The following CC2D2A variants were observed in gnomAD, a reference collection of about 807,000 sequenced individuals.
The protein encoded by CC2D2A is coiled-coil and C2 domain-containing protein 2A.
CC2D2A carries 155 observed loss-of-function variants against 212.9 expected under a neutral mutation model. That is an observed-to-expected ratio of 0.73 (90% CI 0.64 to 0.83). CC2D2A has a LOEUF of 0.83. CC2D2A is among the 40% of genes least tolerant of loss of function. The pLI is 0.00. For missense variants in CC2D2A, 1,856 were observed against 1,956.2 expected, an observed-to-expected ratio of 0.95 and a Z score of 0.97; for synonymous variants, 667 against 686.5, an observed-to-expected ratio of 0.97 and a Z score of 0.44.
At chr4:15,542,402 A>G (rs1399628127) in intron 17 of CC2D2A, among the ~76,000 whole-genome samples, 2 of 152,128 alleles carry the variant, frequency 1.3e-5, no homozygotes, top group Admixed American at 6.5e-5. Context: ...GGCAGAAATC[A>G]CAGATCCTCA....
At chr4:15,587,780 G>C (rs371435727) in intron 31 of CC2D2A, 36 bp from the exon 32 acceptor site, 116 of 1,096,546 alleles carry the variant, frequency 1.1e-4, no homozygotes, top group Middle Eastern at 2.0e-4. Context: ...ATAAAGCATT[G>C]AGTCATACAA....
chr4:15,562,928 G>T (rs1317114488), intron 23 of CC2D2A, among the ~76,000 whole-genome samples: 1 of 152,242 alleles, frequency 6.6e-6, no homozygotes, highest in South Asian at 2.1e-4. Flanking sequence ...TGGAGTAGCT[G>T]AGTCTCTGGG....
intron 1 of CC2D2A, among the ~76,000 whole-genome samples, chr4:15,475,580 A>G (rs982015617): frequency 7.2e-5 from 11 of 152,246 alleles, no homozygotes; most frequent in Admixed American, 2.0e-4. Context: ...ACTTGGTGAA[A>G]TAAGGGCCAA....
intron 3 of CC2D2A, 42 bp from the exon 4 acceptor site, chr4:15,480,662 A>AATT (rs746696700): frequency 1.9e-5 from 30 of 1,584,986 alleles, no homozygotes; most frequent in Non-Finnish European, 1.7e-5. Context: ...AGACTCAAAT[A>AATT]AAGTCCTGGG....
rs141685865 is a variant in CC2D2A, at chr4:15,543,172, A to T, written c.2181+2158A>T. ...AAGCACCAAGCATCAAGACTCAAGC[A>T]AAATTCCTTTGCTGTATTGATAACA... On this transcript the variant is annotated intron_variant, in intron 17 of 36. Coordinates refer to ENST00000424120, the MANE Select transcript of CC2D2A (RefSeq NM_001378615.1). Among the ~76,000 whole-genome samples, 5 of 152,324 alleles carry T rather than the reference A, an allele frequency of 3.3e-5. No individual in the cohort carries two copies. In the East Asian group the frequency reaches 9.6e-4, roughly 29 times the overall value.
In CC2D2A at chr4:15,553,294, C is replaced by G. The variant is rs113835820; in HGVS notation, c.2475C>G (p.Ile825Met). The G allele has an allele frequency of 2.5e-6, 4 of 1,612,206 alleles. No homozygotes were observed. The South Asian group carries it at 4.4e-5, about 18-fold the overall frequency. ...PLIPPLSQQN[I>M]GFRSALKKAD... ...TTCCTCCATTGTCACAGCAGAACATCGGATTTCGGAGGTAATACATGGCAA... is the reference window on the plus strand; with the variant it reads ...TTCCTCCATTGTCACAGCAGAACATGGGATTTCGGAGGTAATACATGGCAA... Residue 825 changes from isoleucine (I) to methionine (M), a missense_variant, in exon 19 of 37, where the codon ATC becomes ATG. Physicochemically the swap from Ile to Met is conservative, Grantham distance 10. Around this residue, in one of 5 missense-constraint regions of CC2D2A, gnomAD observed 1,512 missense variants for 1,579.3 expected, o/e 0.96. Transcript: ENST00000424120.
intron 28 of CC2D2A, among the ~76,000 whole-genome samples, chr4:15,571,108 G>T (rs992360108): frequency 6.6e-6 from 1 of 152,104 alleles, no homozygotes; most frequent in Admixed American, 6.6e-5. Context: ...TTAAATAAAG[G>T]TAAAGAATAA....
At chr4:15,515,587 C>G (rs1186055124) in intron 9 of CC2D2A, among the ~76,000 whole-genome samples, 1 of 152,194 alleles carries the variant, frequency 6.6e-6, no homozygotes, top group Non-Finnish European at 1.5e-5. Context: ...TAAAACTTGT[C>G]TCTCATCCTA....
At chr4:15,512,185 G>C (rs552980534) in intron 8 of CC2D2A, among the ~76,000 whole-genome samples, 6 of 152,336 alleles carry the variant, frequency 3.9e-5, no homozygotes, top group African/African-American at 1.4e-4. Flanking sequence ...TTTACAATAT[G>C]ATCCAGCAAT....
At chr4:15,514,905 C>G (rs776702812) in intron 9 of CC2D2A, 36 bp downstream of exon 9, 1 of 1,592,506 alleles carries the variant, frequency 6.3e-7, no homozygotes, top group Non-Finnish European at 8.6e-7. Flanking sequence ...TCAGCTTAGA[C>G]ATCGTCACTT....
rs182701775 is a variant in CC2D2A, at chr4:15,565,606, T to C, written c.3183-1771T>C. On this transcript the variant is annotated intron_variant, in intron 24 of 36. Coordinates refer to ENST00000424120, the MANE Select transcript of CC2D2A (RefSeq NM_001378615.1). Reference sequence around the variant, plus strand: ...TACTAAACAAATGGGTTTTTGGGGGTTTTTAAATTTTACTTCTTAGACCCA... The same window carrying C: ...TACTAAACAAATGGGTTTTTGGGGGCTTTTAAATTTTACTTCTTAGACCCA... Among the ~76,000 whole-genome samples, 9 of 150,594 alleles carry C rather than the reference T, an allele frequency of 6.0e-5. No homozygotes were observed. The East Asian group carries it at 1.8e-3, about 29-fold the overall frequency.
rs1429564350 is a variant in CC2D2A at position 15,537,080 on chromosome 4, T to G, written c.1764+4T>G. ...GAAGGCCTGGAGGAAAGTGCAAGTGTGTAAACAAACACTCAGCCTGGAATA... is the reference window on the plus strand; with the variant it reads ...GAAGGCCTGGAGGAAAGTGCAAGTGGGTAAACAAACACTCAGCCTGGAATA... On this transcript the variant is annotated splice_donor_region_variant and intron_variant, in intron 15 of 36. Coordinates refer to ENST00000424120, the MANE Select transcript of CC2D2A (RefSeq NM_001378615.1). 6.2e-7 allele frequency: 1 copy of G among 1,612,648 alleles called. No homozygotes were observed. The highest frequency in any genetic ancestry group is 8.5e-7 in the Non-Finnish European group (1 of 1,179,108).
chr4:15,527,704 C>A, intron 12 of CC2D2A, 48 bp downstream of exon 12: 1 of 1,411,666 alleles, frequency 7.1e-7, no homozygotes, highest in Non-Finnish European at 9.7e-7. Flanking sequence ...TTGGTTCTTC[C>A]AATGAGCCCA....
chr4:15,587,586 T>C (rs772480643), intron 31 of CC2D2A, among the ~76,000 whole-genome samples: 8 of 152,172 alleles, frequency 5.3e-5, no homozygotes, highest in Non-Finnish European at 1.0e-4. Context: ...ACAATCATAG[T>C]GAGTATTGAT....
chr4:15,576,361 C>T, intron 29 of CC2D2A: 1 of 984,084 alleles, frequency 1.0e-6, no homozygotes. Flanking sequence ...CCACTTACAG[C>T]AATACTTCCT....
intron 14 of CC2D2A, among the ~76,000 whole-genome samples, chr4:15,534,336 A>T (rs997094362): frequency 6.6e-6 from 1 of 152,198 alleles, no homozygotes. Flanking sequence ...AAAAGATAAA[A>T]TACATTAGTT....
chr4:15,567,391 C>T lies in CC2D2A; in HGVS notation c.3197C>T (p.Pro1066Leu), dbSNP rs556931817. Reference protein sequence around the residue: ...RKPAVSKFQQPSRSSRMFSEK... With the variant: ...RKPAVSKFQQLSRSSRMFSEK... ...TTCTCTCCTAGCAAATTCCAGCAGC[C>T]GTCGAGGTCTTCAAGGATGTTCAGT... The change falls in exon 25 of 37, where the codon CCG becomes CTG. Residue 1066 changes from proline (P) to leucine (L), a missense_variant. Around this residue, in one of 5 missense-constraint regions of CC2D2A, gnomAD observed 1,512 missense variants for 1,579.3 expected, o/e 0.96. Coordinates refer to ENST00000424120, the MANE Select transcript of CC2D2A (RefSeq NM_001378615.1). 3.6e-5 allele frequency: 58 copies of T among 1,612,924 alleles called. No individual in the cohort carries two copies. The South Asian group carries it at 5.6e-4, about 16-fold the overall frequency.
intron 3 of CC2D2A, among the ~76,000 whole-genome samples, chr4:15,479,891 G>A (rs1289433210): frequency 6.6e-6 from 1 of 152,202 alleles, no homozygotes; most frequent in Non-Finnish European, 1.5e-5. Flanking sequence ...GGGCAAGGAT[G>A]GAGAAGGGAA....
At position 15,538,238 on chromosome 4, in the gene CC2D2A, C is replaced by T. The variant is rs576976084; in HGVS notation, c.2003+101C>T. The T allele has an allele frequency of 2.0e-5, 25 of 1,226,276 alleles. No homozygotes were observed. In the African/African-American group the frequency reaches 3.0e-4, roughly 15 times the overall value. The allele number at this position is 1,226,276 out of a possible 1,614,324, so 76.0% of individuals were successfully genotyped here. On this transcript the variant is annotated intron_variant, in intron 16 of 36. Transcript: ENST00000424120. ...GCACGACATGGGGAGTGTACACTTA[C>T]TGACCTACACGAGCATCAGGAGTAT...
Sources: allele counts gnomAD v4.1 joint callset (sites outside exome capture counted in the v4.1 genomes callset), GRCh38; gene constraint gnomAD v4.1.1; regional missense constraint gnomAD v4.1.1; transcripts MANE v1.5; gene names NCBI Gene and HGNC (gene_info 2026-07-23, HGNC 2026-07-21).